HIPK2: variants seen among roughly 807,000 people sequenced by gnomAD.
HIPK2 encodes homeodomain-interacting protein kinase 2.
A neutral mutation model predicts 113.7 loss-of-function variants in HIPK2; 27 were observed. The observed-to-expected ratio is 0.24, with a 90% CI of 0.17 to 0.33. The LOEUF (loss-of-function observed/expected upper bound fraction) is 0.33, where lower values mean the gene tolerates loss of function less well. Among genes scored for constraint, HIPK2 ranks in the 10% least tolerant of loss-of-function variants. The pLI is 1.00. For synonymous variants in HIPK2, 631 were observed against 642.2 expected (o/e 0.98, Z 0.26); for missense variants, 1,257 against 1,588.0 (o/e 0.79, Z 3.54).
intron 2 of HIPK2, among the ~76,000 whole-genome samples, chr7:139,656,416 G>C (rs1458693961): frequency 6.6e-6 from 1 of 152,102 alleles, no homozygotes; most frequent in Non-Finnish European, 1.5e-5. Flanking sequence ...TTTATTTCTT[G>C]AGTTTCTGCC....
At chr7:139,608,930 G>A (rs1799722087) in intron 9 of HIPK2, among the ~76,000 whole-genome samples, 2 of 152,168 alleles carry the variant, frequency 1.3e-5, no homozygotes, top group Admixed American at 1.3e-4. Flanking sequence ...TCAAATATGA[G>A]CCCAAGAAAT....
intron 2 of HIPK2, among the ~76,000 whole-genome samples, chr7:139,644,731 A>G (rs1323768720): frequency 6.6e-6 from 1 of 152,186 alleles, no homozygotes; most frequent in Non-Finnish European, 1.5e-5. Context: ...GTCACTTTTC[A>G]GCTTTCTGGG....
intron 2 of HIPK2, among the ~76,000 whole-genome samples, chr7:139,642,304 C>T (rs1323089462): frequency 3.3e-5 from 5 of 152,012 alleles, no homozygotes; most frequent in African/African-American, 1.2e-4. Context: ...GAGTGGGAGG[C>T]GAGGGATTAC....
chr7:139,678,311 T>C (rs9768328), intron 2 of HIPK2, among the ~76,000 whole-genome samples: 12,698 of 152,268 alleles, frequency 0.083, 657 homozygotes, highest in African/African-American at 0.15. Context: ...ATGTCCTGAA[T>C]GGTATTGCCT....
At chr7:139,600,348 T>C in intron 11 of HIPK2, 69 bp downstream of exon 11, 1 of 1,544,182 alleles carries the variant, frequency 6.5e-7, no homozygotes, top group Non-Finnish European at 8.8e-7. Context: ...TGATACTCCC[T>C]AAACTACATT....
chr7:139,680,717 G>A (rs550892577), intron 2 of HIPK2, among the ~76,000 whole-genome samples: 5 of 152,344 alleles, frequency 3.3e-5, no homozygotes, highest in South Asian at 2.1e-4. Flanking sequence ...GTGTGTTCAC[G>A]TGTGCTTCCT....
chr7:139,611,609 A>G (rs540733350), intron 9 of HIPK2, among the ~76,000 whole-genome samples: 1 of 152,252 alleles, frequency 6.6e-6, no homozygotes, highest in African/African-American at 2.4e-5. Flanking sequence ...TGATGTGATC[A>G]TAGCTCACTG....
chr7:139,631,034 C>T lies in HIPK2; in HGVS notation c.1347+131G>A. On this transcript the variant is annotated intron_variant, in intron 4 of 14. Coordinates refer to ENST00000406875, the MANE Select transcript of HIPK2 (RefSeq NM_022740.5). The surrounding 1 kb of genome is among the most constrained non-coding windows in gnomAD (Gnocchi z 4.9). ...TCTGAGCATTCAGATTCAGCCATAC[C>T]ATGTATTAACAACAGCACCCCCAGT... 1 of 1,220,800 alleles carries T rather than the reference C, an allele frequency of 8.2e-7. No individual in the cohort carries two copies. The highest frequency in any genetic ancestry group is 1.1e-6 in the Non-Finnish European group (1 of 897,134). The allele number at this position is 1,220,800 out of a possible 1,614,324, so 75.6% of individuals were successfully genotyped here. A position where few individuals can be genotyped will look rare whatever the true frequency, so the allele number is the denominator to read the frequency against.
At chr7:139,659,483 G>GGCTGCA (rs1482160072) in intron 2 of HIPK2, among the ~76,000 whole-genome samples, 15 of 152,310 alleles carry the variant, frequency 9.8e-5, no homozygotes, top group Admixed American at 3.3e-4. Flanking sequence ...ACAGACCCCC[G>GGCTGCA]GCTGCAGCTG....
chr7:139,676,074 G>T (rs189661861), intron 2 of HIPK2, among the ~76,000 whole-genome samples: 8 of 152,276 alleles, frequency 5.3e-5, no homozygotes, highest in Admixed American at 2.0e-4. Flanking sequence ...AGGTAACTGC[G>T]CTCATTTTTG....
rs779081721 is a variant in HIPK2 at position 139,575,110 on chromosome 7, G to A, written c.3126+18C>T. 69 of 1,579,544 alleles carry A rather than the reference G, an allele frequency of 4.4e-5. No homozygotes were observed. Among genetic ancestry groups the A allele is most frequent in the Non-Finnish European group, 5.8e-5 (68 of 1,163,518 alleles). ...ATGGGGGCCCTGCCTGGCCTGGGGC[G>A]CCAGCTGTGGGGCTTACCTGGCTGA... On this transcript the variant is annotated intron_variant, in intron 14 of 14. Transcript: ENST00000406875.
Position 139,716,420 on chromosome 7 carries a change from C to T in HIPK2, c.615G>A (p.Leu205=). 6.2e-7 allele frequency: 1 copy of T among 1,613,968 alleles called. No individual in the cohort carries two copies. The change falls in exon 2 of 15, where the codon TTG becomes TTA. Residue 205 remains leucine, a synonymous_variant. Transcript: ENST00000406875. This position sits in a 1 kb window ranked among gnomAD's most constrained non-coding sequence, Gnocchi z 9.3. The part of the protein sequence containing the change: ...MTNTYEVLEF[L]GRGTFGQVVK... ...CCACTTGCCCAAACGTCCCTCGGCC[C>T]AAGAACTCTAAGACCTCGTAGGTGT...
intron 2 of HIPK2, among the ~76,000 whole-genome samples, chr7:139,697,444 C>T (rs2116826090): frequency 6.6e-6 from 1 of 152,298 alleles, no homozygotes. Context: ...ACGACACAAA[C>T]ACAGCTCTCA....
intron 1 of HIPK2, among the ~76,000 whole-genome samples, chr7:139,718,936 G>A (rs966304221): frequency 2.6e-5 from 4 of 152,088 alleles, no homozygotes; most frequent in African/African-American, 9.7e-5. Context: ...ATAGGCTCCT[G>A]TTCTTGAAGG....
At chr7:139,592,068 C>T (rs1022591375) in intron 12 of HIPK2, among the ~76,000 whole-genome samples, 23 of 152,204 alleles carry the variant, frequency 1.5e-4, no homozygotes, top group African/African-American at 5.3e-4. Context: ...TCTAACCTTG[C>T]TTTATCTATA....
At chr7:139,629,123 C>A in intron 4 of HIPK2, 84 bp from the exon 5 acceptor site, 1 of 1,074,518 alleles carries the variant, frequency 9.3e-7, no homozygotes. Flanking sequence ...CTGTGTCTCA[C>A]AGAGGGTCTC....
intron 2 of HIPK2, among the ~76,000 whole-genome samples, chr7:139,689,115 G>A (rs970636089): frequency 6.6e-6 from 1 of 152,184 alleles, no homozygotes; most frequent in Non-Finnish European, 1.5e-5. Context: ...GCCTGGAGAC[G>A]CCCGATGAGT....
chr7:139,769,236 C>A (rs1249409642), intron 1 of HIPK2, among the ~76,000 whole-genome samples: 3 of 152,198 alleles, frequency 2.0e-5, no homozygotes, highest in African/African-American at 2.4e-5. Flanking sequence ...AGCCCTGCCC[C>A]AACTCCACGG....
At chr7:139,592,363 T>A (rs1799055840) in intron 12 of HIPK2, among the ~76,000 whole-genome samples, 1 of 152,164 alleles carries the variant, frequency 6.6e-6, no homozygotes, top group African/African-American at 2.4e-5. Context: ...AATGAGTGAA[T>A]GCGTGAATGA....
Sources: gnomAD v4.1 joint callset for allele counts (sites outside exome capture counted in the v4.1 genomes callset) on GRCh38, gnomAD v4.1.1 for gene constraint, Gnocchi (gnomAD v3.1) non-coding constraint, MANE v1.5 for transcripts, NCBI Gene and HGNC (gene_info 2026-07-23, HGNC 2026-07-21) for gene names.